The following PDIA3 variants were observed in gnomAD, a reference collection of about 807,000 sequenced individuals.
PDIA3 encodes the protein protein disulfide isomerase family A member 3.
Under a neutral mutation model 56.9 loss-of-function variants are expected in PDIA3, and 16 were observed. That is an observed-to-expected ratio of 0.28 (90% CI 0.19 to 0.43). The LOEUF is 0.43. Among genes scored for constraint, PDIA3 ranks in the 20% least tolerant of loss-of-function variants. PDIA3 has a pLI of 1.00. For missense variants in PDIA3, 485 were observed against 621.3 expected (o/e 0.78, Z 2.33); for synonymous variants, 192 against 216.5 (o/e 0.89, Z 0.99).
chr15:43,764,499 C>T (rs1255005121), intron 5 of PDIA3, among the ~76,000 whole-genome samples: 1 of 152,104 alleles, frequency 6.6e-6, no homozygotes, highest in African/African-American at 2.4e-5. Flanking sequence ...CAGAGTCTCG[C>T]CCTTGTTGCC....
In PDIA3 at chr15:43,773,128, G is replaced by A; in HGVS notation, c.*1910G>A. On this transcript the variant is annotated 3_prime_UTR_variant, in exon 13 of 13. Transcript: ENST00000300289. Reference sequence around the variant, plus strand: ...TCCCTTGATAACTTCAGCTGCCCCTGTTCTTTTCCTCAAACTCCAGGATGA... The same window carrying A: ...TCCCTTGATAACTTCAGCTGCCCCTATTCTTTTCCTCAAACTCCAGGATGA... 1.9e-6 allele frequency: 3 copies of A among 1,608,230 alleles called. No individual in the cohort carries two copies. Among genetic ancestry groups the A allele is most frequent in the South Asian group, 1.1e-5 (1 of 90,130 alleles).
rs1245156967 is a variant in PDIA3, at chr15:43,753,908, T to C, written c.246+6T>C. 3.8e-6 allele frequency: 6 copies of C among 1,592,786 alleles called. No homozygotes were observed. Among genetic ancestry groups the C allele is most frequent in the Non-Finnish European group, 5.2e-6 (6 of 1,160,824 alleles). Reference sequence around the variant, plus strand: ...GAATAGTCCCATTAGCAAAGGTAAGTACAGGTGGATTCTTCACTAAAGGAC... The same window carrying C: ...GAATAGTCCCATTAGCAAAGGTAAGCACAGGTGGATTCTTCACTAAAGGAC... On this transcript the variant is annotated splice_donor_region_variant and intron_variant, in intron 2 of 12. Coordinates refer to ENST00000300289, the MANE Select transcript of PDIA3 (RefSeq NM_005313.5).
At chr15:43,768,276 C>T (rs899473138) in intron 8 of PDIA3, among the ~76,000 whole-genome samples, 2 of 152,192 alleles carry the variant, frequency 1.3e-5, no homozygotes, top group African/African-American at 4.8e-5. Context: ...AATGATTCTC[C>T]TTTCTCTGAA....
At chr15:43,746,914 C>T in intron 1 of PDIA3, 2 of 591,720 alleles carry the variant, frequency 3.4e-6, no homozygotes, top group Non-Finnish European at 6.0e-6. Context: ...AACCCGAAGG[C>T]TGCGCTCACG....
intron 1 of PDIA3, chr15:43,751,813 A>G (rs1162171890): frequency 2.4e-6 from 3 of 1,231,580 alleles, no homozygotes; most frequent in Non-Finnish European, 3.2e-6. Context: ...TTTGATAAGC[A>G]TCTAGAGTTG....
chr15:43,770,892 G>T (rs745763539), intron 12 of PDIA3, among the ~76,000 whole-genome samples: 63 of 152,210 alleles, frequency 4.1e-4, no homozygotes, highest in Non-Finnish European at 6.0e-4. Flanking sequence ...CAGGTGATCA[G>T]CCTGCCTTGG....
intron 3 of PDIA3, among the ~76,000 whole-genome samples, chr15:43,760,156 T>C (rs1015966736): frequency 1.3e-5 from 2 of 151,980 alleles, no homozygotes; most frequent in Non-Finnish European, 2.9e-5. Flanking sequence ...TTTGGGAAGC[T>C]GAGGCAGGTG....
At chr15:43,758,553 G>C (rs994903730) in intron 3 of PDIA3, among the ~76,000 whole-genome samples, 5 of 151,708 alleles carry the variant, frequency 3.3e-5, no homozygotes, top group African/African-American at 1.2e-4. Context: ...AGCTACCTGG[G>C]AGGCTGAGGC....
intron 3 of PDIA3, among the ~76,000 whole-genome samples, chr15:43,760,682 A>G (rs1176634139): frequency 6.6e-6 from 1 of 151,194 alleles, no homozygotes; most frequent in Non-Finnish European, 1.5e-5. Flanking sequence ...GGCGCCCGCC[A>G]CCATGCCCGG....
At chr15:43,750,364 A>C (rs945637154) in intron 1 of PDIA3, among the ~76,000 whole-genome samples, 4 of 151,808 alleles carry the variant, frequency 2.6e-5, no homozygotes, top group African/African-American at 9.7e-5. Context: ...TATTTCCATT[A>C]TGGAGTTAAT....
chr15:43,765,952 T>C lies in PDIA3; in HGVS notation c.785T>C (p.Ile262Thr), dbSNP rs1413867065. 3.1e-6 allele frequency: 5 copies of C among 1,613,386 alleles called. No homozygotes were observed. The highest frequency in any genetic ancestry group is 3.3e-5 in the Admixed American group (2 of 59,990). Residue 262 changes from isoleucine to threonine, a missense_variant, in exon 7 of 13, where the codon ATT (isoleucine) becomes ACT (threonine). Coordinates refer to ENST00000300289, the MANE Select transcript of PDIA3 (RefSeq NM_005313.5). ...KDLIQGKDLL[I>T]AYYDVDYEKN... ...TTGATACAGGGCAAGGACTTACTTA[T>C]TGCTTACTATGATGTGGACTATGAA...
At chr15:43,754,861 G>T (rs921933627) in intron 2 of PDIA3, among the ~76,000 whole-genome samples, 5 of 151,896 alleles carry the variant, frequency 3.3e-5, no homozygotes, top group Non-Finnish European at 5.9e-5. Flanking sequence ...AGGCTGAGGT[G>T]GAAGGATTGC....
In PDIA3 at chr15:43,767,076, G is replaced by A. The variant is rs960152816; in HGVS notation, c.1028+166G>A. ...TAAATATAGGTACTTTAGACCAGGCGTGGTGGCTCACGCCTGTAATCCCAG... is the reference window on the plus strand; with the variant it reads ...TAAATATAGGTACTTTAGACCAGGCATGGTGGCTCACGCCTGTAATCCCAG... On this transcript the variant is annotated intron_variant, in intron 8 of 12. Coordinates refer to ENST00000300289, the MANE Select transcript of PDIA3 (RefSeq NM_005313.5). 5.9e-5 allele frequency among the ~76,000 whole-genome samples: 9 copies of A among 152,312 alleles called. No individual in the cohort carries two copies. In the South Asian group the frequency reaches 6.2e-4, roughly 11 times the overall value.
Position 43,772,194 on chromosome 15 carries a change from A to T in PDIA3, c.*976A>T, listed in dbSNP as rs999722551. On this transcript the variant is annotated 3_prime_UTR_variant, in exon 13 of 13. Coordinates refer to ENST00000300289, the MANE Select transcript of PDIA3 (RefSeq NM_005313.5). ...ACAGAAAGGATAAGACTGAAGAGTG[A>T]TCTTTTGTCCAACTAAACCATTTAT... 1 of 152,288 alleles carries T rather than the reference A, an allele frequency of 6.6e-6. No individual in the cohort carries two copies. Among genetic ancestry groups the T allele is most frequent in the Non-Finnish European group, 1.5e-5 (1 of 68,080 alleles). The allele number at this position is 152,288 out of a possible 1,614,324, so 9.4% of individuals were successfully genotyped here. A position where few individuals can be genotyped will look rare whatever the true frequency, so the allele number is the denominator to read the frequency against.
intron 1 of PDIA3, among the ~76,000 whole-genome samples, chr15:43,749,979 A>T (rs2086733056): frequency 6.6e-6 from 1 of 151,362 alleles, no homozygotes; most frequent in African/African-American, 2.4e-5. Flanking sequence ...TTTTTTTTTA[A>T]CCTTATTCTC....
At chr15:43,753,966 A>C in intron 2 of PDIA3, 64 bp downstream of exon 2, 1 of 1,113,356 alleles carries the variant, frequency 9.0e-7, no homozygotes, top group Non-Finnish European at 1.4e-6. Flanking sequence ...TTGTTGTCTC[A>C]GCTTTGTTAC....
chr15:43,770,513 C>G lies in PDIA3; in HGVS notation c.1347-10C>G, dbSNP rs369489213. ...AACTGCTTGAAATTAATAAATGTTT[C>G]TTTCCCCAGTTTTCCTACCATATAC... On this transcript the variant is annotated splice_polypyrimidine_tract_variant and intron_variant, in intron 11 of 12. Transcript: ENST00000300289. 5.6e-6 allele frequency: 9 copies of G among 1,604,802 alleles called. No individual in the cohort carries two copies. Among genetic ancestry groups the G allele is most frequent in the African/African-American group, 1.3e-5 (1 of 74,850 alleles).
In PDIA3 at chr15:43,763,088, G is replaced by A. The variant is rs766479713; in HGVS notation, c.484G>A (p.Asp162Asn). 8 of 1,613,268 alleles carry A rather than the reference G, an allele frequency of 5.0e-6. No individual in the cohort carries two copies. The highest frequency in any genetic ancestry group is 6.8e-6 in the Non-Finnish European group (8 of 1,179,684). Residue 162 changes from aspartate (D) to asparagine (N), a missense_variant, in exon 5 of 13, where the codon GAT becomes AAT. By Grantham distance (23) the Asp-to-Asn change is conservative (BLOSUM62 1). Coordinates refer to ENST00000300289, the MANE Select transcript of PDIA3 (RefSeq NM_005313.5). ...KDASIVGFFD[D>N]SFSEAHSEFL... ...TATTTTCTGTATAGGTTTTTTCGAT[G>A]ATTCATTCAGTGAGGCTCACTCCGA...
intron 2 of PDIA3, 22 bp from the exon 3 acceptor site, chr15:43,756,627 G>C (rs1208889857): frequency 7.6e-7 from 1 of 1,314,252 alleles, no homozygotes; most frequent in Non-Finnish European, 1.1e-6. Flanking sequence ...TAAGAAAATA[G>C]TTTGTGTATT....
Sources: allele counts gnomAD v4.1 joint callset (sites outside exome capture counted in the v4.1 genomes callset), GRCh38; gene constraint gnomAD v4.1.1; transcripts MANE v1.5; gene names NCBI Gene and HGNC (gene_info 2026-07-23, HGNC 2026-07-21).